CELF2: variants seen among roughly 807,000 people sequenced by gnomAD.
CELF2 encodes the protein CUG triplet repeat RNA-binding protein 2.
A neutral mutation model predicts 62.6 loss-of-function variants in CELF2; 8 were observed. That is an observed-to-expected ratio of 0.13 (90% CI 0.07 to 0.23). CELF2 has a LOEUF of 0.23. Among genes scored for constraint, CELF2 ranks in the 10% least tolerant of loss-of-function variants. The pLI is 1.00. For missense variants in CELF2, 333 were observed against 671.0 expected, an observed-to-expected ratio of 0.50 and a Z score of 5.56; for synonymous variants, 258 against 250.0, an observed-to-expected ratio of 1.03 and a Z score of -0.30.
At chr10:11,201,742 T>A (rs2059257694) in intron 2 of CELF2, among the ~76,000 whole-genome samples, 1 of 152,212 alleles carries the variant, frequency 6.6e-6, no homozygotes, top group Non-Finnish European at 1.5e-5. Flanking sequence ...GCCCTATAGA[T>A]GACCAGGCCT....
rs1382816421 is a variant in CELF2 at position 11,335,336 on chromosome 10, A to G, written c.*6283A>G. ...CCTCTGTCTTATCTCTCCTTCCAGT[A>G]TTTTCAGACGCACAAGCTCTGACTC... is the stretch of plus-strand genomic sequence containing the variant. On this transcript the variant is annotated 3_prime_UTR_variant, in exon 13 of 13. Transcript: ENST00000633077. The surrounding 1 kb of genome is among the most constrained non-coding windows in gnomAD (Gnocchi z 5.0). 6.6e-6 allele frequency: 1 copy of G among 152,294 alleles called. No homozygotes were observed. The highest frequency in any genetic ancestry group is 1.5e-5 in the Non-Finnish European group (1 of 68,166). The allele number at this position is 152,294 out of a possible 1,614,324, so 9.4% of individuals were successfully genotyped here. A position where few individuals can be genotyped will look rare whatever the true frequency, so the allele number is the denominator to read the frequency against.
chr10:10,923,913 A>G (rs955284750), intron 2 of CELF2: 1 of 152,196 alleles, frequency 6.6e-6, no homozygotes, highest in African/African-American at 2.4e-5. Flanking sequence ...CAATTTAGCA[A>G]TCTGAGCAGT....
the CELF2 span, among the ~76,000 whole-genome samples, chr10:10,572,625 G>A: frequency 1.3e-5 from 2 of 151,558 alleles, no homozygotes; most frequent in East Asian, 1.9e-4. Flanking sequence ...TTCTGTTCCT[G>A]CATTAGTTTA....
intron 2 of CELF2, among the ~76,000 whole-genome samples, chr10:11,170,987 G>A (rs1349840883): frequency 6.6e-6 from 1 of 152,156 alleles, no homozygotes; most frequent in Non-Finnish European, 1.5e-5. Context: ...GAGATTAGAA[G>A]GTAGGAACAG....
the CELF2 span, among the ~76,000 whole-genome samples, chr10:10,483,552 C>T: frequency 7.9e-4 from 120 of 152,272 alleles, no homozygotes; most frequent in African/African-American, 2.7e-3. Flanking sequence ...CTTTCTTTGC[C>T]TATAATATAA....
chr10:11,187,678 G>A (rs1438482197), intron 2 of CELF2, among the ~76,000 whole-genome samples: 1 of 149,278 alleles, frequency 6.7e-6, no homozygotes, highest in Non-Finnish European at 1.5e-5. Flanking sequence ...CTTTTTTGTT[G>A]TTTTAGAGTA....
the CELF2 span, among the ~76,000 whole-genome samples, chr10:10,468,021 G>GA: frequency 6.6e-6 from 1 of 151,984 alleles, no homozygotes; most frequent in South Asian, 2.1e-4. Flanking sequence ...ATTAACTGAA[G>GA]AAAAAATGGT....
the CELF2 span, among the ~76,000 whole-genome samples, chr10:10,698,786 C>T: frequency 6.6e-6 from 1 of 152,188 alleles, no homozygotes; most frequent in East Asian, 1.9e-4. Flanking sequence ...TCCTTACACG[C>T]CAACACAAAA....
chr10:10,490,572 G>A, the CELF2 span, among the ~76,000 whole-genome samples: 3 of 152,042 alleles, frequency 2.0e-5, no homozygotes, highest in South Asian at 4.2e-4. Context: ...TCTGGTTGGG[G>A]GGGGGTGGAG....
At chr10:11,193,712 A>T (rs1015885060) in intron 2 of CELF2, among the ~76,000 whole-genome samples, 5 of 152,224 alleles carry the variant, frequency 3.3e-5, no homozygotes, top group African/African-American at 1.2e-4. Context: ...GTGAGAACAT[A>T]ATAATGCAGG....
chr10:10,489,258 T>G, the CELF2 span, among the ~76,000 whole-genome samples: 5 of 152,248 alleles, frequency 3.3e-5, no homozygotes, highest in South Asian at 1.0e-3. Context: ...AGGATTTTTC[T>G]TAGAGAGTCC....
At chr10:10,996,649 A>C (rs2053981741) in intron 2 of CELF2, among the ~76,000 whole-genome samples, 1 of 152,092 alleles carries the variant, frequency 6.6e-6, no homozygotes, top group African/African-American at 2.4e-5. Context: ...TCTTACTCCA[A>C]CTAGGTTTCA....
chr10:10,764,800 C>T, the CELF2 span, among the ~76,000 whole-genome samples: 207 of 152,276 alleles, frequency 1.4e-3, no homozygotes, highest in African/African-American at 4.9e-3. Context: ...TTTCTAGGCT[C>T]TTGTACCCCA....
the CELF2 span, among the ~76,000 whole-genome samples, chr10:10,636,063 A>T: frequency 6.6e-6 from 1 of 152,210 alleles, no homozygotes; most frequent in Non-Finnish European, 1.5e-5. Context: ...GAAATATATC[A>T]AATAACTTAA....
At chr10:11,193,796 A>G (rs2134645015) in intron 2 of CELF2, among the ~76,000 whole-genome samples, 1 of 152,344 alleles carries the variant, frequency 6.6e-6, no homozygotes, top group African/African-American at 2.4e-5. Context: ...TAAATGGAAT[A>G]GCTTTTCCAA....
intron 3 of CELF2, among the ~76,000 whole-genome samples, chr10:11,229,325 T>G (rs888524365): frequency 2.0e-5 from 3 of 152,180 alleles, no homozygotes; most frequent in South Asian, 4.1e-4. Flanking sequence ...TTTTTCTCAT[T>G]TCCATTCTCT....
chr10:10,732,612 C>T, the CELF2 span, among the ~76,000 whole-genome samples: 119 of 149,036 alleles, frequency 8.0e-4, no homozygotes, highest in Non-Finnish European at 1.4e-3. Context: ...CAACCTCTGT[C>T]TCCCGGGTTC....
At chr10:10,829,285 C>T (rs1455467150) in intron 1 of CELF2, among the ~76,000 whole-genome samples, 7 of 152,188 alleles carry the variant, frequency 4.6e-5, no homozygotes, top group Non-Finnish European at 4.4e-5. Flanking sequence ...AAAACAGTCA[C>T]AATTATTCAT....
At chr10:11,251,908 G>A (rs928482819) in intron 4 of CELF2, among the ~76,000 whole-genome samples, 8 of 152,200 alleles carry the variant, frequency 5.3e-5, no homozygotes, top group African/African-American at 1.7e-4. Context: ...GCCTGTCCAG[G>A]CCTGGGCTGT....
Sources: allele counts gnomAD v4.1 joint callset (sites outside exome capture counted in the v4.1 genomes callset), GRCh38; gene constraint gnomAD v4.1.1; non-coding constraint Gnocchi (gnomAD v3.1); transcripts MANE v1.5; gene names NCBI Gene and HGNC (gene_info 2026-07-23, HGNC 2026-07-21).